UGGT2: variants seen among roughly 807,000 people sequenced by gnomAD.
UGGT2 encodes the protein UDP-glucose:glycoprotein glucosyltransferase 2.
In UGGT2, 180 loss-of-function variants were observed where a neutral mutation model predicts 192.1. The observed-to-expected ratio is 0.94, with a 90% confidence interval of 0.83 to 1.06. The LOEUF (loss-of-function observed/expected upper bound fraction) is 1.06. Ranked by LOEUF, UGGT2 falls within the 50% of genes least tolerant of loss-of-function variation. The pLI is 0.00. For synonymous variants in UGGT2, 580 were observed against 591.0 expected (o/e 0.98, Z 0.27); for missense variants, 1,849 against 1,795.7 (o/e 1.03, Z -0.54).
At chr13:95,866,531 G>C (rs1489625782) in intron 30 of UGGT2, among the ~76,000 whole-genome samples, 1 of 152,160 alleles carries the variant, frequency 6.6e-6, no homozygotes, top group African/African-American at 2.4e-5. Flanking sequence ...ACCAATTCAA[G>C]GTTCAGGATT....
chr13:95,925,537 A>T, intron 20 of UGGT2, 143 bp downstream of exon 20: 1 of 565,248 alleles, frequency 1.8e-6, no homozygotes, highest in Non-Finnish European at 2.9e-6. Flanking sequence ...TACCTGTTTT[A>T]CATGAAGACT....
intron 8 of UGGT2, among the ~76,000 whole-genome samples, chr13:95,988,545 T>C (rs1348848248): frequency 6.6e-6 from 1 of 152,088 alleles, no homozygotes; most frequent in Non-Finnish European, 1.5e-5. Context: ...GAGAATAGAT[T>C]CTATCAGTTC....
chr13:95,844,839 G>C (rs1052264669), intron 36 of UGGT2, among the ~76,000 whole-genome samples: 1 of 152,138 alleles, frequency 6.6e-6, no homozygotes, highest in African/African-American at 2.4e-5. Flanking sequence ...AATAGGAAAG[G>C]TAAGAGTGGA....
intron 30 of UGGT2, among the ~76,000 whole-genome samples, chr13:95,864,552 T>G (rs1890468153): frequency 6.6e-6 from 1 of 152,210 alleles, no homozygotes; most frequent in South Asian, 2.1e-4. Flanking sequence ...AATTCTCCTT[T>G]CTTACATTCC....
intron 36 of UGGT2, among the ~76,000 whole-genome samples, chr13:95,842,314 C>T (rs1411941118): frequency 6.6e-6 from 1 of 151,904 alleles, no homozygotes; most frequent in African/African-American, 2.4e-5. Flanking sequence ...TTAGGTCTGA[C>T]TTTTCATATA....
In UGGT2 at chr13:95,834,462, A is replaced by G. The variant is rs1360850081; in HGVS notation, c.4402-1409T>C. Among the ~76,000 whole-genome samples, 10 of 152,180 alleles carry G rather than the reference A, an allele frequency of 6.6e-5. 1 individual carries two copies. ...GAATTCTCCACTCCTCAATGCCAAT[A>G]GTACTGAGGCTGAAAAACTCTGAGA... is the stretch of plus-strand genomic sequence containing the variant. On this transcript the variant is annotated intron_variant, in intron 37 of 38. Coordinates refer to ENST00000376747, the MANE Select transcript of UGGT2 (RefSeq NM_020121.4).
chr13:95,989,206 C>T (rs1046514355), intron 8 of UGGT2, among the ~76,000 whole-genome samples: 1 of 151,826 alleles, frequency 6.6e-6, no homozygotes, highest in African/African-American at 2.4e-5. Context: ...AGTATGTGAA[C>T]GTATTAGTAT....
intron 36 of UGGT2, among the ~76,000 whole-genome samples, chr13:95,843,668 G>A (rs1888097359): frequency 6.6e-6 from 1 of 151,854 alleles, no homozygotes; most frequent in Admixed American, 6.6e-5. Flanking sequence ...GAGGTTTTTG[G>A]GGTTTTTTTT....
chr13:96,012,935 GA>G (rs2052210226), intron 5 of UGGT2, among the ~76,000 whole-genome samples: 1 of 151,944 alleles, frequency 6.6e-6, no homozygotes, highest in South Asian at 2.1e-4. Flanking sequence ...GGTCTCAAAA[GA>G]AAGAGTTAAC....
Position 95,884,493 on chromosome 13 carries a change from C to G in UGGT2, c.3226G>C (p.Asp1076His), listed in dbSNP as rs201202361. 6.2e-7 allele frequency: 1 copy of G among 1,608,320 alleles called. No individual in the cohort carries two copies. Among genetic ancestry groups the G allele is most frequent in the Non-Finnish European group, 8.5e-7 (1 of 1,177,508 alleles). ...TATGACTATACACAATAACTTACAT[C>G]CTTTAAGTGAATATTATCAAGGTCA... is the stretch of plus-strand genomic sequence containing the variant. ...NCDLDNIHLK[D>H]TEKTVTAEYE... is the part of the protein sequence containing the mutation. Residue 1076 changes from aspartate to histidine, a missense_variant and splice_region_variant, in exon 27 of 39, where the codon GAT (aspartate) becomes CAT (histidine). Asp to His is a moderately conservative substitution (Grantham distance 81). Coordinates refer to ENST00000376747, the MANE Select transcript of UGGT2 (RefSeq NM_020121.4).
chr13:95,849,159 A>ATTG (rs1888763635), intron 36 of UGGT2, among the ~76,000 whole-genome samples: 1 of 152,178 alleles, frequency 6.6e-6, no homozygotes, highest in Admixed American at 6.6e-5. Flanking sequence ...AGATCCCTAC[A>ATTG]CAAATGATAT....
chr13:95,929,942 C>T (rs1412275907), intron 17 of UGGT2, among the ~76,000 whole-genome samples: 1 of 152,162 alleles, frequency 6.6e-6, no homozygotes, highest in Non-Finnish European at 1.5e-5. Flanking sequence ...GCCTCACCAG[C>T]ATCTGTTGTT....
At position 96,025,086 on chromosome 13, in the gene UGGT2, G is replaced by A. The variant is rs1594596980; in HGVS notation, c.242-1327C>T. Among the ~76,000 whole-genome samples the A allele has an allele frequency of 4.6e-5, 7 of 152,150 alleles. No individual in the cohort carries two copies. In the South Asian group the frequency reaches 1.5e-3, roughly 32 times the overall value. On this transcript the variant is annotated intron_variant, in intron 2 of 38. Transcript: ENST00000376747. Reference sequence around the variant, plus strand: ...ATGGGACATTGTGGTTATTGCTTTTGTTATATGTAATAAAGCCTTCTTCTG... The same window carrying A: ...ATGGGACATTGTGGTTATTGCTTTTATTATATGTAATAAAGCCTTCTTCTG...
intron 1 of UGGT2, among the ~76,000 whole-genome samples, chr13:96,046,074 G>A (rs2053301657): frequency 6.6e-6 from 1 of 152,194 alleles, no homozygotes; most frequent in Admixed American, 6.6e-5. Flanking sequence ...CACATTACCT[G>A]ATTTTAAACT....
intron 20 of UGGT2, among the ~76,000 whole-genome samples, chr13:95,915,274 T>C (rs921840163): frequency 1.3e-5 from 2 of 152,174 alleles, no homozygotes; most frequent in African/African-American, 4.8e-5. Context: ...AAAATTGTAA[T>C]CTGTCTGCAA....
chr13:95,883,542 C>T (rs1461812257), intron 27 of UGGT2, among the ~76,000 whole-genome samples: 2 of 152,002 alleles, frequency 1.3e-5, no homozygotes, highest in African/African-American at 2.4e-5. Context: ...GGGCAGATTT[C>T]CCCCTTGCTG....
At chr13:95,970,364 G>GT (rs2140779263) in intron 11 of UGGT2, 102 bp from the exon 12 acceptor site, 1 of 1,077,270 alleles carries the variant, frequency 9.3e-7, no homozygotes, top group East Asian at 2.5e-5. Context: ...AGATTTTTTG[G>GT]TATCTTCATT....
intron 17 of UGGT2, among the ~76,000 whole-genome samples, chr13:95,929,276 TTAAA>T (rs2049158269): frequency 6.6e-6 from 1 of 152,238 alleles, no homozygotes; most frequent in Non-Finnish European, 1.5e-5. Context: ...ATAAATTTAA[TTAAA>T]TATATTTTTA....
chr13:95,940,492 T>C (rs530491273), intron 15 of UGGT2, among the ~76,000 whole-genome samples: 3 of 150,176 alleles, frequency 2.0e-5, no homozygotes, highest in African/African-American at 7.4e-5. Context: ...GTCTTACCAT[T>C]GACTAGGCTG....
Sources: allele counts gnomAD v4.1 joint callset (sites outside exome capture counted in the v4.1 genomes callset), GRCh38; gene constraint gnomAD v4.1.1; transcripts MANE v1.5; gene names NCBI Gene and HGNC (gene_info 2026-07-23, HGNC 2026-07-21).